Variants in ZNF536 observed in about 807,000 individuals in gnomAD.
ZNF536 encodes the protein zinc finger protein 536.
Under a neutral mutation model 84.5 loss-of-function variants are expected in ZNF536, and 13 were observed. The observed-to-expected ratio is 0.15, with a 90% CI of 0.10 to 0.24. The LOEUF (loss-of-function observed/expected upper bound fraction) is 0.24, where lower values mean the gene tolerates loss of function less well. Ranked by LOEUF, ZNF536 falls within the 10% of genes least tolerant of loss-of-function variation. The probability of loss-of-function intolerance (pLI) is 1.00; values close to 1 mark genes in which losing one functional copy is unlikely to be tolerated. For missense variants in ZNF536, 1,536 were observed against 1,747.5 expected, an observed-to-expected ratio of 0.88 and a Z score of 2.16; for synonymous variants, 811 against 742.5, an observed-to-expected ratio of 1.09 and a Z score of -1.50.
intron 1 of ZNF536, among the ~76,000 whole-genome samples, chr19:30,632,341 CACACTTGTAATCCCA>C (rs1174468453): frequency 2.0e-5 from 3 of 152,162 alleles, no homozygotes; most frequent in African/African-American, 7.2e-5. Flanking sequence ...TGAGGTGGCT[CACACTTGTAATCCCA>C]ACACTTTGGG....
At chr19:30,674,670 G>T (rs915290536) in intron 1 of ZNF536, among the ~76,000 whole-genome samples, 12 of 152,208 alleles carry the variant, frequency 7.9e-5, no homozygotes, top group Non-Finnish European at 1.5e-4. Context: ...CCCATCGTGG[G>T]TGGAGGCCAG....
chr19:30,608,944 G>A (rs1157764144), intron 1 of ZNF536, among the ~76,000 whole-genome samples: 2 of 152,256 alleles, frequency 1.3e-5, no homozygotes, highest in Non-Finnish European at 2.9e-5. Flanking sequence ...TCATCTCGAA[G>A]CCAGGAGTCA....
chr19:30,511,771 C>T (rs1035920926), intron 2 of ZNF536, among the ~76,000 whole-genome samples: 1 of 152,172 alleles, frequency 6.6e-6, no homozygotes, highest in East Asian at 1.9e-4. Context: ...TGGCTCAGAG[C>T]TTACATGGGT....
chr19:30,460,194 A>G, intron 2 of ZNF536, among the ~76,000 whole-genome samples: 1 of 152,130 alleles, frequency 6.6e-6, no homozygotes, highest in East Asian at 1.9e-4. Flanking sequence ...TGCCAGGGGA[A>G]TGGGGTGTAC....
intron 1 of ZNF536, among the ~76,000 whole-genome samples, chr19:30,269,090 T>C (rs1232165685): frequency 3.3e-5 from 5 of 152,150 alleles, no homozygotes; most frequent in African/African-American, 1.2e-4. Flanking sequence ...GTGAACAAGG[T>C]AGGGGAAGGC....
At chr19:30,420,105 CG>C (rs2050892000) in intron 1 of ZNF536, among the ~76,000 whole-genome samples, 1 of 152,162 alleles carries the variant, frequency 6.6e-6, no homozygotes, top group African/African-American at 2.4e-5. Context: ...AGGGATGTCA[CG>C]GGGAACTGCT....
chr19:30,689,339 A>C lies in ZNF536; in HGVS notation c.170-21418A>C, dbSNP rs114449425. On this transcript the variant is annotated intron_variant, in intron 1 of 1. Transcript: ENST00000592773. The stretch of plus-strand genomic sequence containing the variant: ...GACATTGATTTGTGTACAATACCTG[A>C]TCACAGTAAGAGCTCAAATGCCAAA... 7.0e-3 allele frequency among the ~76,000 whole-genome samples: 1,069 copies of C among 152,362 alleles called. 19 individuals are homozygous for C. The highest frequency in any genetic ancestry group is 0.024 in the African/African-American group (1,011 of 41,572).
chr19:30,260,967 A>T (rs1270759956), intron 1 of ZNF536, among the ~76,000 whole-genome samples: 1 of 152,202 alleles, frequency 6.6e-6, no homozygotes, highest in Non-Finnish European at 1.5e-5. Flanking sequence ...ATTTTGCATG[A>T]TACATAGATT....
At chr19:30,562,240 C>T (rs1420704824), downstream of ZNF536, among the ~76,000 whole-genome samples, 2 of 152,112 alleles carry the variant, frequency 1.3e-5, no homozygotes, top group African/African-American at 4.8e-5. Context: ...ATGACTCCTC[C>T]GGACCCTGTC....
Position 30,548,174 on chromosome 19 carries a change from G to T in ZNF536, c.2555G>T (p.Gly852Val), listed in dbSNP as rs780129171. 3.7e-6 allele frequency: 6 copies of T among 1,614,196 alleles called. No individual in the cohort carries two copies. The highest frequency in any genetic ancestry group is 5.1e-6 in the Non-Finnish European group (6 of 1,180,032). The change falls in exon 4 of 5, where the codon GGA becomes GTA. Residue 852 changes from glycine to valine, a missense_variant. Coordinates refer to ENST00000355537, the MANE Select transcript of ZNF536 (RefSeq NM_014717.3). Reference protein sequence around the residue: ...FKGLPGIDFRGGPASQQWTSG... With the variant: ...FKGLPGIDFRVGPASQQWTSG... Reference sequence around the variant, plus strand: ...GGTCTCCCTGGAATCGACTTCAGAGGAGGCCCTGCATCTCAGCAGTGGACA... The same window carrying T: ...GGTCTCCCTGGAATCGACTTCAGAGTAGGCCCTGCATCTCAGCAGTGGACA...
At chr19:30,712,832 C>A (rs1256597025) in exon 2 of ZNF536, 2 of 151,564 alleles carry the variant, frequency 1.3e-5, no homozygotes, top group African/African-American at 4.9e-5. Flanking sequence ...CTGTAGTAAG[C>A]TTTAGGATTT....
intron 3 of ZNF536, among the ~76,000 whole-genome samples, chr19:30,367,365 G>A (rs948062286): frequency 1.3e-5 from 2 of 152,204 alleles, no homozygotes; most frequent in South Asian, 2.1e-4. Context: ...TGAAATAAAA[G>A]AGTTTAATGC....
intron 1 of ZNF536, among the ~76,000 whole-genome samples, chr19:30,274,759 A>G (rs1162437195): frequency 6.6e-6 from 1 of 152,186 alleles, no homozygotes; most frequent in Admixed American, 6.5e-5. Flanking sequence ...AGTGATATTT[A>G]TCAAGCAGAA....
chr19:30,534,021 A>G (rs893967529), intron 2 of ZNF536, among the ~76,000 whole-genome samples: 3 of 152,190 alleles, frequency 2.0e-5, no homozygotes, highest in Non-Finnish European at 2.9e-5. Flanking sequence ...ATGTCCCACA[A>G]TTTCTTTGCA....
intron 1 of ZNF536, among the ~76,000 whole-genome samples, chr19:30,702,204 T>A (rs2052013644): frequency 6.6e-6 from 1 of 152,148 alleles, no homozygotes; most frequent in African/African-American, 2.4e-5. Context: ...GTAAGAAAAA[T>A]ATCTCGTTTC....
intron 2 of ZNF536, among the ~76,000 whole-genome samples, chr19:30,488,856 C>T (rs2866973): frequency 0.015 from 2,224 of 152,252 alleles, 43 homozygotes; most frequent in African/African-American, 0.051. Context: ...GAAGATTGGC[C>T]TATGGCTTTT....
intron 1 of ZNF536, among the ~76,000 whole-genome samples, chr19:30,416,068 C>G (rs1035678472): frequency 6.6e-6 from 1 of 152,166 alleles, no homozygotes; most frequent in African/African-American, 2.4e-5. Flanking sequence ...TCTTTCATGT[C>G]AGGAATTTGG....
rs185869068 is a variant in ZNF536, at chr19:30,612,946, G to A, written c.169+63432G>A. Among the ~76,000 whole-genome samples, 84 of 152,292 alleles carry A rather than the reference G, an allele frequency of 5.5e-4. 1 individual carries two copies. Among genetic ancestry groups the A allele is most frequent in the African/African-American group, 1.7e-3 (72 of 41,566 alleles). On this transcript the variant is annotated intron_variant, in intron 1 of 1. Coordinates refer to the ZNF536 transcript ENST00000592773. ...TAGCTCCTTAGCCTCCTCCAACGTG[G>A]GGCGGTTTCTTCGTCTCTGTCTTTC... is the stretch of plus-strand genomic sequence containing the variant.
chr19:30,665,099 T>C (rs1011846364), intron 1 of ZNF536, among the ~76,000 whole-genome samples: 1 of 152,128 alleles, frequency 6.6e-6, no homozygotes, highest in Non-Finnish European at 1.5e-5. Context: ...ATCCCAGCAC[T>C]TTGGGAGGGC....
Sources: gnomAD v4.1 joint callset for allele counts (sites outside exome capture counted in the v4.1 genomes callset) on GRCh38, gnomAD v4.1.1 for gene constraint, MANE v1.5 for transcripts, NCBI Gene and HGNC (gene_info 2026-07-23, HGNC 2026-07-21) for gene names.